The following VPS39 variants were observed in gnomAD, a reference collection of about 807,000 sequenced individuals.
VPS39 encodes the protein VPS39 subunit of HOPS complex, also known as vam6/Vps39-like protein.
VPS39 carries 70 observed loss-of-function variants against 121.0 expected under a neutral mutation model. The ratio of observed to expected loss-of-function variants is 0.58; its 90% CI spans 0.48 to 0.71. The LOEUF (loss-of-function observed/expected upper bound fraction) is 0.71, where lower values mean the gene tolerates loss of function less well. Ranked by LOEUF, VPS39 falls within the 30% of genes least tolerant of loss-of-function variation. The pLI is 0.00. For synonymous variants in VPS39, 378 were observed against 398.1 expected (o/e 0.95, Z 0.60); for missense variants, 818 against 1,051.5 (o/e 0.78, Z 3.07).
intron 10 of VPS39, among the ~76,000 whole-genome samples, chr15:42,174,381 G>C (rs555425015): frequency 1.3e-3 from 194 of 152,306 alleles, no homozygotes; most frequent in Non-Finnish European, 1.1e-3. Flanking sequence ...TCTACAAGAT[G>C]CCTAACCGGT....
intron 1 of VPS39, among the ~76,000 whole-genome samples, chr15:42,202,007 G>C (rs1411815137): frequency 6.6e-6 from 1 of 152,204 alleles, no homozygotes; most frequent in Non-Finnish European, 1.5e-5. Context: ...AGATGAGGAA[G>C]TTGAGGCCTA....
At chr15:42,207,934 C>T in intron 1 of VPS39, 147 bp downstream of exon 1, 1 of 821,166 alleles carries the variant, frequency 1.2e-6, no homozygotes, top group Middle Eastern at 3.0e-4. Context: ...GTGGTCATCT[C>T]TCTGCCTTCT....
In VPS39 at chr15:42,187,263, G is replaced by T; in HGVS notation, c.534+8C>A. ...ACTAATGATATTTGCAAAATAATAA[G>T]ATTTTACCCTTATTAGGTAGTAGTC... On this transcript the variant is annotated splice_region_variant and intron_variant, in intron 7 of 24. Coordinates refer to ENST00000318006, the MANE Select transcript of VPS39 (RefSeq NM_015289.5). 3 of 1,591,350 alleles carry T rather than the reference G, an allele frequency of 1.9e-6. No homozygotes were observed. Among genetic ancestry groups the T allele is most frequent in the Non-Finnish European group, 2.6e-6 (3 of 1,171,904 alleles).
intron 10 of VPS39, among the ~76,000 whole-genome samples, chr15:42,176,292 A>C (rs971814663): frequency 8.9e-4 from 135 of 152,294 alleles, no homozygotes; most frequent in African/African-American, 3.0e-3. Flanking sequence ...TCAAAAACTA[A>C]ATACATTACT....
chr15:42,195,139 T>C (rs563046212), intron 2 of VPS39, among the ~76,000 whole-genome samples: 1 of 152,052 alleles, frequency 6.6e-6, no homozygotes, highest in African/African-American at 2.4e-5. Context: ...GCCCTCTCAG[T>C]TCAAAATAAG....
chr15:42,177,171 A>G (rs1245203155), intron 10 of VPS39, among the ~76,000 whole-genome samples: 1 of 150,986 alleles, frequency 6.6e-6, no homozygotes, highest in Non-Finnish European at 1.5e-5. Flanking sequence ...TTAAAAAAAA[A>G]AAAAAAAAAA....
intron 5 of VPS39, 92 bp downstream of exon 5, chr15:42,189,022 A>G: frequency 1.1e-6 from 1 of 893,670 alleles, no homozygotes. Context: ...ATGGATCATC[A>G]GTGTCATTCT....
At chr15:42,163,473 C>A in intron 20 of VPS39, 78 bp from the exon 21 acceptor site, 1 of 1,592,658 alleles carries the variant, frequency 6.3e-7, no homozygotes, top group South Asian at 1.1e-5. Flanking sequence ...GCAGCCTGCT[C>A]GAGCAGCCTA....
At chr15:42,186,638 C>G (rs1009155183) in intron 7 of VPS39, among the ~76,000 whole-genome samples, 2 of 152,122 alleles carry the variant, frequency 1.3e-5, no homozygotes, top group African/African-American at 4.8e-5. Context: ...TTACAACTTA[C>G]GTTAAGAGAA....
At chr15:42,165,317 T>C in intron 17 of VPS39, 1 of 589,066 alleles carries the variant, frequency 1.7e-6, no homozygotes, top group Non-Finnish European at 3.0e-6. Context: ...ATCTTCTCAA[T>C]TACTAAACTC....
chr15:42,182,745 G>A (rs887769195), intron 8 of VPS39, among the ~76,000 whole-genome samples: 1 of 152,178 alleles, frequency 6.6e-6, no homozygotes, highest in African/African-American at 2.4e-5. Flanking sequence ...GACCTCACAG[G>A]GCAAGTGCCT....
chr15:42,161,045 A>ATGAG, intron 24 of VPS39: 1 of 567,454 alleles, frequency 1.8e-6, no homozygotes. Flanking sequence ...CACAGTTAAG[A>ATGAG]GTGCATGGGG....
chr15:42,164,261 C>T (rs1452891975), intron 19 of VPS39, 97 bp downstream of exon 19: 3 of 1,541,098 alleles, frequency 1.9e-6, no homozygotes, highest in East Asian at 4.5e-5. Context: ...TTTTCCAGGC[C>T]CAACTTTTGT....
chr15:42,172,806 C>T (rs961385881), intron 11 of VPS39, among the ~76,000 whole-genome samples: 1 of 152,208 alleles, frequency 6.6e-6, no homozygotes, highest in Non-Finnish European at 1.5e-5. Flanking sequence ...ACTGTCATTA[C>T]CCTAATATTC....
chr15:42,165,890 C>G, intron 16 of VPS39, 74 bp from the exon 17 acceptor site: 1 of 1,413,670 alleles, frequency 7.1e-7, no homozygotes, highest in Non-Finnish European at 1.0e-6. Context: ...CGCATGTGAG[C>G]GCAGGGATCA....
intron 2 of VPS39, among the ~76,000 whole-genome samples, 197 bp from the exon 3 acceptor site, chr15:42,191,757 C>T (rs1007304367): frequency 2.0e-5 from 3 of 152,180 alleles, no homozygotes; most frequent in Admixed American, 1.3e-4. Context: ...TAGAGCAGAG[C>T]GTTTCATGCA....
intron 2 of VPS39, among the ~76,000 whole-genome samples, chr15:42,192,355 T>C (rs934513612): frequency 2.6e-5 from 4 of 152,208 alleles, no homozygotes; most frequent in African/African-American, 9.6e-5. Context: ...AGCTCATATT[T>C]GAGGGGCATG....
At chr15:42,175,327 G>A (rs897266584) in intron 10 of VPS39, among the ~76,000 whole-genome samples, 2 of 151,494 alleles carry the variant, frequency 1.3e-5, no homozygotes, top group Admixed American at 1.3e-4. Flanking sequence ...GGAATTGCTT[G>A]AACCCGGGAG....
intron 8 of VPS39, among the ~76,000 whole-genome samples, chr15:42,180,876 G>C (rs928593634): frequency 3.3e-5 from 5 of 152,172 alleles, no homozygotes; most frequent in Non-Finnish European, 5.9e-5. Flanking sequence ...AACAAGTGTT[G>C]ACAAGAATAT....
Sources: allele counts gnomAD v4.1 joint callset (sites outside exome capture counted in the v4.1 genomes callset), GRCh38; gene constraint gnomAD v4.1.1; transcripts MANE v1.5; gene names NCBI Gene and HGNC (gene_info 2026-07-23, HGNC 2026-07-21).